The following TTC6 variants were observed in gnomAD, a reference collection of about 807,000 sequenced individuals.
TTC6 encodes the protein tetratricopeptide repeat protein 6.
Under a neutral mutation model 210.4 loss-of-function variants are expected in TTC6, and 172 were observed. That is an observed-to-expected ratio of 0.82 (90% confidence interval 0.72 to 0.93). The LOEUF (loss-of-function observed/expected upper bound fraction) is 0.93. Among genes scored for constraint, TTC6 ranks in the 40% least tolerant of loss-of-function variants. The pLI is 0.00. For synonymous variants in TTC6, 804 were observed against 819.6 expected, an observed-to-expected ratio of 0.98 and a Z score of 0.32; for missense variants, 2,414 against 2,318.1, an observed-to-expected ratio of 1.04 and a Z score of -0.85.
intron 1 of TTC6, among the ~76,000 whole-genome samples, chr14:37,670,474 C>CCTTTTTTTTTT (rs532690678): frequency 0.016 from 1,970 of 121,044 alleles, 91 homozygotes; most frequent in Middle Eastern, 0.024. Flanking sequence ...AACTACCTCA[C>CCTTTTTTTTTT]TTTTTTTTTT....
rs569867890 is a variant in TTC6 at position 37,700,674 on chromosome 14, C to T, written c.1377-658C>T. ...AGGAGAATCACTTGAACCTGGGAGGCGGCGGTTGCAGTGAGCCAAGATTGT... is the reference window on the plus strand; with the variant it reads ...AGGAGAATCACTTGAACCTGGGAGGTGGCGGTTGCAGTGAGCCAAGATTGT... On this transcript the variant is annotated intron_variant, in intron 4 of 30. Coordinates refer to ENST00000553443, the Ensembl canonical transcript of TTC6. 6.3e-5 allele frequency among the ~76,000 whole-genome samples: 8 copies of T among 126,562 alleles called. No individual in the cohort carries two copies. In the East Asian group the frequency reaches 8.1e-4, roughly 13 times the overall value. 83.0% of individuals were successfully genotyped at this position (126,562 alleles called of 152,430 possible).
chr14:37,682,677 G>A, intron 2 of TTC6, 81 bp from the exon 5 acceptor site: 1 of 1,185,656 alleles, frequency 8.4e-7, no homozygotes, highest in Non-Finnish European at 1.2e-6. Context: ...CATCTTGTCA[G>A]ATAGAAACTG....
At chr14:37,637,624 G>A (rs1309735691) in intron 1 of TTC6, among the ~76,000 whole-genome samples, 1 of 152,116 alleles carries the variant, frequency 6.6e-6, no homozygotes. Flanking sequence ...GACAGAGTGA[G>A]ACCGGGTCCT....
chr14:37,671,648 G>A (rs552849599), intron 1 of TTC6, among the ~76,000 whole-genome samples: 1 of 152,256 alleles, frequency 6.6e-6, no homozygotes, highest in South Asian at 2.1e-4. Context: ...GAGATGTAGT[G>A]TCATTTGAGA....
chr14:37,807,476 G>T lies in TTC6; in HGVS notation c.4455+16G>T, dbSNP rs946081392. 6.9e-7 allele frequency: 1 copy of T among 1,451,406 alleles called. No homozygotes were observed. The highest frequency in any genetic ancestry group is 9.2e-7 in the Non-Finnish European group (1 of 1,089,886). The allele number at this position is 1,451,406 out of a possible 1,614,324, so 89.9% of individuals were successfully genotyped here. Reference sequence around the variant, plus strand: ...CTACAACAAGGTAGGGCCATTTCCTGCCTGGTTTACCGAAATTTTAGGGTG... The same window carrying T: ...CTACAACAAGGTAGGGCCATTTCCTTCCTGGTTTACCGAAATTTTAGGGTG... On this transcript the variant is annotated intron_variant, in intron 23 of 30. Coordinates refer to ENST00000553443, the Ensembl canonical transcript of TTC6.
intron 7 of TTC6, among the ~76,000 whole-genome samples, chr14:37,731,807 T>C (rs1027555695): frequency 1.3e-5 from 2 of 152,214 alleles, no homozygotes; most frequent in African/African-American, 2.4e-5. Flanking sequence ...GATGTGTCTT[T>C]TATAAACAAC....
chr14:37,807,346 T>C, exon 23 of TTC6: 2 of 1,530,296 alleles, frequency 1.3e-6, no homozygotes, highest in Non-Finnish European at 1.8e-6. Flanking sequence ...TAGCATTCTA[T>C]GGTTTAAAAG....
intron 10 of TTC6, among the ~76,000 whole-genome samples, chr14:37,743,740 TC>T (rs1944355687): frequency 2.0e-5 from 3 of 152,218 alleles, no homozygotes; most frequent in African/African-American, 7.2e-5. Context: ...AGAGGACCCC[TC>T]ATTCAACTCT....
chr14:37,625,666 G>T (rs2139314945), intron 1 of TTC6, among the ~76,000 whole-genome samples: 1 of 152,198 alleles, frequency 6.6e-6, no homozygotes, highest in East Asian at 1.9e-4. Flanking sequence ...TGGGGCTTAT[G>T]TAAATGATGT....
At chr14:37,763,077 A>G (rs1373089575) in intron 14 of TTC6, among the ~76,000 whole-genome samples, 3 of 150,636 alleles carry the variant, frequency 2.0e-5, no homozygotes, top group African/African-American at 4.9e-5. Context: ...TTTAGTAGAG[A>G]CGGGGTTTCA....
At chr14:37,815,761 A>G (rs2096139973) in intron 25 of TTC6, among the ~76,000 whole-genome samples, 1 of 152,174 alleles carries the variant, frequency 6.6e-6, no homozygotes, top group South Asian at 2.1e-4. Flanking sequence ...TAGAGAGATA[A>G]TTAATGCAGA....
At chr14:37,793,903 G>T (rs1222032908) in intron 17 of TTC6, among the ~76,000 whole-genome samples, 1 of 152,160 alleles carries the variant, frequency 6.6e-6, no homozygotes, top group Non-Finnish European at 1.5e-5. Flanking sequence ...AAGAAAAGTA[G>T]GGCTCACAAA....
intron 17 of TTC6, 143 bp downstream of exon 19, chr14:37,792,557 TAACTC>T: frequency 1.8e-6 from 1 of 563,774 alleles, no homozygotes; most frequent in Non-Finnish European, 2.7e-6. Context: ...AGCTGGTAGT[TAACTC>T]TAATTACTCA....
chr14:37,683,301 G>A (rs2095787950), intron 3 of TTC6, among the ~76,000 whole-genome samples: 1 of 152,054 alleles, frequency 6.6e-6, no homozygotes, highest in Non-Finnish European at 1.5e-5. Context: ...AATAGAACTT[G>A]GTGAATTTTA....
intron 29 of TTC6, among the ~76,000 whole-genome samples, chr14:37,838,065 G>A (rs2096201998): frequency 6.6e-6 from 1 of 152,120 alleles, no homozygotes; most frequent in South Asian, 2.1e-4. Context: ...TGTTTGGTTG[G>A]GAAAAAGTTG....
At chr14:37,709,163 G>T (rs1017031681) in intron 5 of TTC6, among the ~76,000 whole-genome samples, 1 of 151,906 alleles carries the variant, frequency 6.6e-6, no homozygotes, top group Admixed American at 6.6e-5. Context: ...ACATGGCCTT[G>T]TTCTTGCTGC....
chr14:37,622,338 G>C, exon 1 of TTC6: 3 of 1,531,912 alleles, frequency 2.0e-6, no homozygotes, highest in South Asian at 1.2e-5. Flanking sequence ...CCTCCTGCAG[G>C]AGGTGCTCGG....
At chr14:37,702,904 C>CA (rs56392145) in intron 5 of TTC6, among the ~76,000 whole-genome samples, 15 of 150,732 alleles carry the variant, frequency 1.0e-4, no homozygotes, top group Non-Finnish European at 2.1e-4. Flanking sequence ...TCTATGTAGG[C>CA]AAAAAAAAAT....
At chr14:37,831,761 G>A (rs75327321) in intron 29 of TTC6, among the ~76,000 whole-genome samples, 1 of 140,434 alleles carries the variant, frequency 7.1e-6, no homozygotes, top group Admixed American at 7.2e-5. Flanking sequence ...TCAGATCATT[G>A]CCCACTTTTT....
Sources: gnomAD v4.1 joint callset for allele counts (sites outside exome capture counted in the v4.1 genomes callset) on GRCh38, gnomAD v4.1.1 for gene constraint, MANE v1.5 for transcripts, NCBI Gene and HGNC (gene_info 2026-07-23, HGNC 2026-07-21) for gene names.